Variants in DMD observed in about 807,000 individuals in gnomAD.
DMD encodes mutant dystrophin.
DMD carries 63 observed loss-of-function variants against 330.1 expected under a neutral mutation model. The ratio of observed to expected loss-of-function variants is 0.19; its 90% CI spans 0.16 to 0.24. The LOEUF is 0.24. Ranked by LOEUF, DMD falls within the 10% of genes least tolerant of loss-of-function variation. The pLI is 1.00. For synonymous variants in DMD, 1,223 were observed against 959.8 expected (o/e 1.27, Z -5.07); for missense variants, 3,344 against 2,684.1 (o/e 1.25, Z -5.43).
intron 7 of DMD, among the ~76,000 whole-genome samples, chrX:32,715,273 T>C (rs2065581735): frequency 9.1e-6 from 1 of 109,405 alleles, no homozygotes; most frequent in Admixed American, 9.8e-5. Flanking sequence ...GGTCAAGAGA[T>C]TGAGACCATC....
intron 60 of DMD, among the ~76,000 whole-genome samples, chrX:31,385,289 G>A (rs1268540333): frequency 9.0e-6 from 1 of 111,673 alleles, no homozygotes; most frequent in Non-Finnish European, 1.9e-5. Context: ...TTATGCCTGC[G>A]CTGTTAACAA....
In DMD at chrX:33,129,625, T is replaced by C. The variant is rs766984922; in HGVS notation, c.31+81657A>G. On this transcript the variant is annotated intron_variant, in intron 1 of 78. Coordinates refer to ENST00000357033, the MANE Select transcript of DMD (RefSeq NM_004006.3). The stretch of plus-strand genomic sequence containing the variant: ...AAGTTAAAATGTGACTGATTTTTTT[T>C]TTCTCCGTTCCCTACTCTCAATTTT... 9.1e-5 allele frequency among the ~76,000 whole-genome samples: 10 copies of C among 109,753 alleles called. No homozygotes were observed. The South Asian group carries it at 3.9e-3, about 43-fold the overall frequency.
At chrX:33,259,494 C>T (rs2052915196) in intron 1 of DMD, among the ~76,000 whole-genome samples, 1 of 107,334 alleles carries the variant, frequency 9.3e-6, no homozygotes, top group African/African-American at 3.4e-5. Flanking sequence ...TTTTGAAGTG[C>T]TGATAAGATG....
At chrX:32,020,777 A>G (rs749110541) in intron 44 of DMD, among the ~76,000 whole-genome samples, 194 of 112,702 alleles carry the variant, frequency 1.7e-3, no homozygotes, top group African/African-American at 6.0e-3. Flanking sequence ...TTATATACAA[A>G]CAAAAGTAAT....
intron 47 of DMD, among the ~76,000 whole-genome samples, chrX:31,892,382 A>G (rs942658486): frequency 1.8e-5 from 2 of 111,139 alleles, no homozygotes; most frequent in Non-Finnish European, 3.8e-5. Flanking sequence ...AACCACATGT[A>G]GCTATTGAGC....
chrX:33,025,136 T>C (rs759608260), intron 1 of DMD, among the ~76,000 whole-genome samples: 1 of 111,949 alleles, frequency 8.9e-6, no homozygotes, highest in African/African-American at 3.2e-5. Context: ...AAGGAATATG[T>C]AGCCACATGG....
At chrX:32,546,718 C>A (rs968190681) in intron 16 of DMD, among the ~76,000 whole-genome samples, 2 of 111,292 alleles carry the variant, frequency 1.8e-5, no homozygotes, top group Non-Finnish European at 3.8e-5. Context: ...ATTTGCCAAG[C>A]ACAGGTTTTA....
At chrX:32,944,622 T>A (rs900849376) in intron 2 of DMD, among the ~76,000 whole-genome samples, 11 of 108,572 alleles carry the variant, frequency 1.0e-4, no homozygotes, top group African/African-American at 1.7e-4. Context: ...TTTTTTTTTT[T>A]TATACAGAGT....
intron 41 of DMD, among the ~76,000 whole-genome samples, chrX:32,317,555 A>T (rs1183572903): frequency 9.0e-6 from 1 of 111,470 alleles, no homozygotes; most frequent in South Asian, 3.7e-4. Context: ...GTTTTGAAAC[A>T]AATGGTGCAT....
intron 1 of DMD, among the ~76,000 whole-genome samples, chrX:33,160,592 G>C (rs1437195962): frequency 8.9e-6 from 1 of 112,455 alleles, no homozygotes; most frequent in Non-Finnish European, 1.9e-5. Flanking sequence ...GTTAAGTTTA[G>C]AAATCTATTA....
chrX:31,999,884 C>T (rs2095613899), intron 44 of DMD, among the ~76,000 whole-genome samples: 1 of 111,934 alleles, frequency 8.9e-6, no homozygotes, highest in African/African-American at 3.2e-5. Context: ...TATAATTTCA[C>T]TCAGAACCAA....
intron 1 of DMD, among the ~76,000 whole-genome samples, chrX:33,114,068 T>C (rs2095362330): frequency 9.1e-6 from 1 of 110,378 alleles, no homozygotes; most frequent in African/African-American, 3.3e-5. Context: ...ATATCCTCAA[T>C]CTGGTATTAT....
chrX:32,889,500 T>C (rs187016472), intron 2 of DMD, among the ~76,000 whole-genome samples: 1 of 110,763 alleles, frequency 9.0e-6, no homozygotes, highest in Non-Finnish European at 1.9e-5. Flanking sequence ...ATATCCCCTG[T>C]GACCTGCCCT....
intron 30 of DMD, among the ~76,000 whole-genome samples, chrX:32,401,184 G>T (rs1379498782): frequency 1.1e-5 from 1 of 89,361 alleles, no homozygotes; most frequent in African/African-American, 4.2e-5. Context: ...ACTGTTGTGG[G>T]GTGGGGGGAG....
At chrX:32,207,785 CA>C (rs1463530535) in intron 44 of DMD, among the ~76,000 whole-genome samples, 1 of 111,774 alleles carries the variant, frequency 8.9e-6, no homozygotes, top group Non-Finnish European at 1.9e-5. Flanking sequence ...CCAGGCTGCA[CA>C]GTTTATTTTT....
intron 55 of DMD, among the ~76,000 whole-genome samples, chrX:31,554,579 C>A (rs1433792559): frequency 1.8e-5 from 2 of 111,840 alleles, no homozygotes; most frequent in African/African-American, 6.5e-5. Context: ...CCTTTCCCCA[C>A]ACAAGGTCAT....
intron 56 of DMD, among the ~76,000 whole-genome samples, chrX:31,503,380 T>A (rs1461357132): frequency 8.9e-6 from 1 of 112,116 alleles, no homozygotes; most frequent in African/African-American, 3.2e-5. Flanking sequence ...TCTGAAGCAG[T>A]TAAGTGACTT....
intron 9 of DMD, among the ~76,000 whole-genome samples, chrX:32,687,129 C>G (rs1010996635): frequency 8.9e-6 from 1 of 112,107 alleles, no homozygotes; most frequent in African/African-American, 3.2e-5. Flanking sequence ...TACTCTGTGA[C>G]ACTTATGTGC....
intron 2 of DMD, among the ~76,000 whole-genome samples, chrX:32,979,456 ACTTTTTCC>A (rs1418401986): frequency 8.9e-6 from 1 of 111,797 alleles, no homozygotes; most frequent in Non-Finnish European, 1.9e-5. Context: ...GGCACTTATA[ACTTTTTCC>A]CTTTTGTCCA....
Sources: gnomAD v4.1 joint callset for allele counts (sites outside exome capture counted in the v4.1 genomes callset) on GRCh38, gnomAD v4.1.1 for gene constraint, MANE v1.5 for transcripts, NCBI Gene and HGNC (gene_info 2026-07-23, HGNC 2026-07-21) for gene names.